TRMT11: variants seen among roughly 807,000 people sequenced by gnomAD.
TRMT11 encodes the protein tRNA (guanine(10)-N(2))-methyltransferase TRMT11.
TRMT11 carries 53 observed loss-of-function variants against 62.8 expected under a neutral mutation model. The ratio of observed to expected loss-of-function variants is 0.84; its 90% confidence interval spans 0.68 to 1.06. TRMT11 has a LOEUF of 1.06. TRMT11 is among the 50% of genes least tolerant of loss of function. The pLI is 0.00. For synonymous variants in TRMT11, 188 were observed against 190.3 expected, an observed-to-expected ratio of 0.99 and a Z score of 0.10; for missense variants, 556 against 553.4, an observed-to-expected ratio of 1.00 and a Z score of -0.05.
At chr6:126,055,209 C>T (rs1776337389) in intron 17 of TRMT11, among the ~76,000 whole-genome samples, 1 of 152,190 alleles carries the variant, frequency 6.6e-6, no homozygotes, top group African/African-American at 2.4e-5. Flanking sequence ...AACTGATCCC[C>T]TTGCCTCGGC....
the TRMT11 span, among the ~76,000 whole-genome samples, chr6:126,231,367 A>C: frequency 6.6e-6 from 1 of 152,180 alleles, no homozygotes; most frequent in African/African-American, 2.4e-5. Flanking sequence ...GATAATTTGA[A>C]AAAAACTTGC....
At chr6:126,136,354 G>A (rs1401491029) in intron 21 of TRMT11, among the ~76,000 whole-genome samples, 1 of 151,556 alleles carries the variant, frequency 6.6e-6, no homozygotes, top group African/African-American at 2.4e-5. Context: ...CATCACTAGT[G>A]TTTCTATATG....
At position 126,104,637 on chromosome 6, in the gene TRMT11, A is replaced by G. The variant is rs139936721; in HGVS notation, c.*1438-8229A>G. Among the ~76,000 whole-genome samples, 1,383 of 152,328 alleles carry G rather than the reference A, an allele frequency of 9.1e-3. 17 individuals carry two copies. Among genetic ancestry groups the G allele is most frequent in the African/African-American group, 0.032 (1,333 of 41,586 alleles). Reference sequence around the variant, plus strand: ...TCACTGAAGGAAGGGTCTAAGAATTATTGCATGACATTTAGGTTCTAATTC... The same window carrying G: ...TCACTGAAGGAAGGGTCTAAGAATTGTTGCATGACATTTAGGTTCTAATTC... On this transcript the variant is annotated intron_variant and NMD_transcript_variant, in intron 17 of 22. Transcript: ENST00000648977.
At chr6:126,260,202 T>C in the TRMT11 span, among the ~76,000 whole-genome samples, 1 of 152,218 alleles carries the variant, frequency 6.6e-6, no homozygotes, top group South Asian at 2.1e-4. Flanking sequence ...TCCTCTTTCT[T>C]GTTTATTTGC....
Position 125,998,139 on chromosome 6 carries a change from G to A in TRMT11, c.294+5G>A, listed in dbSNP as rs781270636. ...AACTACCCTGTGGAGAAGATGGTGC[G>A]TAGTAAAATGTGGTTTTATATAGGC... is the stretch of plus-strand genomic sequence containing the variant. On this transcript the variant is annotated splice_donor_5th_base_variant and intron_variant, in intron 4 of 12. Coordinates refer to ENST00000334379, the MANE Select transcript of TRMT11 (RefSeq NM_001031712.3). The A allele has an allele frequency of 1.7e-5, 28 of 1,611,714 alleles. No homozygotes were observed. The highest frequency in any genetic ancestry group is 2.2e-5 in the Non-Finnish European group (26 of 1,177,994).
At chr6:126,265,178 GAC>G in the TRMT11 span, among the ~76,000 whole-genome samples, 1 of 152,198 alleles carries the variant, frequency 6.6e-6, no homozygotes, top group South Asian at 2.1e-4. Flanking sequence ...ACATGAATAA[GAC>G]ACAATTTCAG....
At chr6:126,045,691 G>A (rs939143097) in intron 16 of TRMT11, among the ~76,000 whole-genome samples, 1 of 152,098 alleles carries the variant, frequency 6.6e-6, no homozygotes, top group Admixed American at 6.6e-5. Context: ...ATAACAATTA[G>A]TACTAAGATA....
intron 1 of TRMT11, among the ~76,000 whole-genome samples, chr6:125,990,210 C>T (rs541540007): frequency 8.6e-5 from 13 of 151,932 alleles, no homozygotes; most frequent in Non-Finnish European, 1.6e-4. Context: ...AAATATATGC[C>T]AGATGTTGTA....
chr6:126,252,827 C>T, the TRMT11 span, among the ~76,000 whole-genome samples: 30 of 152,226 alleles, frequency 2.0e-4, no homozygotes, highest in African/African-American at 4.8e-4. Flanking sequence ...TCCGGAATAA[C>T]GAAAGTATTG....
chr6:126,004,802 A>T (rs1159196672), intron 7 of TRMT11, among the ~76,000 whole-genome samples: 2 of 152,074 alleles, frequency 1.3e-5, no homozygotes, highest in Non-Finnish European at 1.5e-5. Context: ...TCAGGGATAT[A>T]GAGTAGGGTA....
chr6:126,093,581 G>GTATATATATATATATA (rs1562321267), intron 17 of TRMT11, among the ~76,000 whole-genome samples: 6 of 37,070 alleles, frequency 1.6e-4, no homozygotes, highest in Non-Finnish European at 3.3e-4. Flanking sequence ...AACAGGATAT[G>GTATATATATATATATA]TATGTATATA....
upstream of TRMT11, among the ~76,000 whole-genome samples, chr6:126,172,409 T>C (rs890828729): frequency 6.6e-6 from 1 of 152,180 alleles, no homozygotes; most frequent in Non-Finnish European, 1.5e-5. Context: ...AGAACCCCCA[T>C]GCAGAATCTC....
chr6:126,066,709 T>C (rs1348376081), intron 17 of TRMT11, among the ~76,000 whole-genome samples: 1 of 152,078 alleles, frequency 6.6e-6, no homozygotes, highest in Non-Finnish European at 1.5e-5. Context: ...TTCCTTTGCC[T>C]AGAGATGCTT....
intron 11 of TRMT11, among the ~76,000 whole-genome samples, chr6:126,019,544 T>G (rs1020531883): frequency 4.6e-5 from 7 of 152,182 alleles, no homozygotes; most frequent in Admixed American, 2.0e-4. Context: ...AAAAAATACT[T>G]TAAGTCAGTC....
At chr6:126,186,342 A>G (rs919616664) in intron 1 of TRMT11, among the ~76,000 whole-genome samples, 6 of 152,012 alleles carry the variant, frequency 3.9e-5, no homozygotes, top group Admixed American at 6.6e-5. Flanking sequence ...TTTTTATTTA[A>G]TTATGGAAAC....
At chr6:126,081,489 T>C (rs1002057649) in intron 17 of TRMT11, among the ~76,000 whole-genome samples, 4 of 152,148 alleles carry the variant, frequency 2.6e-5, no homozygotes, top group African/African-American at 9.7e-5. Context: ...GATGCCTTAG[T>C]AAGACATATG....
At chr6:126,118,450 C>T (rs754254058) in intron 21 of TRMT11, among the ~76,000 whole-genome samples, 64 of 152,052 alleles carry the variant, frequency 4.2e-4, no homozygotes, top group Admixed American at 1.2e-3. Context: ...AGCAGGCATG[C>T]GCAATTCTAA....
At chr6:126,165,932 G>C (rs1250991147) in intron 21 of TRMT11, among the ~76,000 whole-genome samples, 1 of 152,092 alleles carries the variant, frequency 6.6e-6, no homozygotes, top group Non-Finnish European at 1.5e-5. Context: ...TCAAATGTAG[G>C]TTTGGTCTTT....
chr6:126,020,249 C>T lies in TRMT11; in HGVS notation c.1140-911C>T, dbSNP rs552344692. Among the ~76,000 whole-genome samples, 232 of 152,274 alleles carry T rather than the reference C, an allele frequency of 1.5e-3. 3 individuals are homozygous for T. Among genetic ancestry groups the T allele is most frequent in the African/African-American group, 5.0e-3 (206 of 41,554 alleles). ...TATAATAAATGTGTGCAGACACCAT[C>T]CAAAAAGGTGTAAAAAATTGCAAAG... On this transcript the variant is annotated intron_variant, in intron 11 of 12. Transcript: ENST00000334379.
Sources: allele counts gnomAD v4.1 joint callset (sites outside exome capture counted in the v4.1 genomes callset), GRCh38; gene constraint gnomAD v4.1.1; transcripts MANE v1.5; gene names NCBI Gene and HGNC (gene_info 2026-07-23, HGNC 2026-07-21).